Variants in TMEM120B observed in about 807,000 individuals in gnomAD.
The protein encoded by TMEM120B is transmembrane protein 120B.
TMEM120B carries 31 observed loss-of-function variants against 55.5 expected under a neutral mutation model. The observed-to-expected ratio is 0.56, with a 90% CI of 0.42 to 0.75. The LOEUF (loss-of-function observed/expected upper bound fraction) is 0.75. TMEM120B is among the 30% of genes least tolerant of loss of function. TMEM120B has a pLI of 0.00. For missense variants in TMEM120B, 399 were observed against 425.5 expected, an observed-to-expected ratio of 0.94 and a Z score of 0.55; for synonymous variants, 203 against 176.3, an observed-to-expected ratio of 1.15 and a Z score of -1.20.
At chr12:121,771,103 G>A (rs1249967565) in intron 7 of TMEM120B, 131 bp downstream of exon 7, 3 of 1,014,070 alleles carry the variant, frequency 3.0e-6, no homozygotes, top group Non-Finnish European at 3.0e-6. Context: ...GAAAGTATGA[G>A]CCTGCAGCTG....
intron 8 of TMEM120B, among the ~76,000 whole-genome samples, chr12:121,772,814 A>G (rs756824781): frequency 2.0e-5 from 3 of 152,230 alleles, no homozygotes; most frequent in Admixed American, 6.5e-5. Flanking sequence ...TGGAAATTGT[A>G]TATCAGCCCA....
rs1377339938 is a variant in TMEM120B at position 121,761,648 on chromosome 12, G to T, written c.462-1G>T. On this transcript the variant is annotated splice_acceptor_variant, in intron 5 of 11. Transcript: ENST00000449592. LOFTEE classifies it high-confidence loss of function. The stretch of plus-strand genomic sequence containing the variant: ...CTCCCGGGGGCTGTTTCCTTGCACA[G>T]GGTGACTGACGAAGTCTTCAACTTC... 1 of 1,613,580 alleles carries T rather than the reference G, an allele frequency of 6.2e-7. No individual in the cohort carries two copies. The highest frequency in any genetic ancestry group is 2.2e-5 in the East Asian group (1 of 44,870).
chr12:121,752,224 G>GT lies in TMEM120B; in HGVS notation c.461+2dup. Reference sequence around the variant, plus strand: ...CATGTCGATTTGTCCTTCACTACAGGTAGTGGGTGTGGCCGTGTGTGCCTG... The same window carrying GT: ...CATGTCGATTTGTCCTTCACTACAGGTTAGTGGGTGTGGCCGTGTGTGCCTG... On this transcript the variant is annotated splice_donor_variant, in intron 5 of 11. Transcript: ENST00000449592. LOFTEE classifies it high-confidence loss of function. 6.2e-7 allele frequency: 1 copy of GT among 1,613,528 alleles called. No homozygotes were observed. Among genetic ancestry groups the GT allele is most frequent in the Non-Finnish European group, 8.5e-7 (1 of 1,179,684 alleles).
intron 1 of TMEM120B, among the ~76,000 whole-genome samples, chr12:121,730,132 G>A (rs1348828240): frequency 6.6e-6 from 1 of 150,400 alleles, no homozygotes; most frequent in Non-Finnish European, 1.5e-5. Flanking sequence ...GGTAGCAGGC[G>A]CCTGTAATCC....
chr12:121,715,902 T>C (rs572711620), intron 1 of TMEM120B, among the ~76,000 whole-genome samples: 192 of 151,670 alleles, frequency 1.3e-3, no homozygotes, highest in African/African-American at 4.2e-3. Flanking sequence ...TCATGTTAGA[T>C]GTGAGAGCTC....
chr12:121,770,359 C>G (rs1312157115), intron 6 of TMEM120B, among the ~76,000 whole-genome samples: 1 of 152,138 alleles, frequency 6.6e-6, no homozygotes, highest in African/African-American at 2.4e-5. Context: ...CTTGTTTTAC[C>G]TCAGTCCCCT....
intron 1 of TMEM120B, among the ~76,000 whole-genome samples, chr12:121,738,907 C>T (rs1177120410): frequency 6.6e-6 from 1 of 152,170 alleles, no homozygotes; most frequent in Non-Finnish European, 1.5e-5. Flanking sequence ...TTAAGTTCGG[C>T]CGGGCATGGT....
Position 121,775,578 on chromosome 12 carries a change from C to T in TMEM120B, c.907-31C>T, listed in dbSNP as rs996708218. On this transcript the variant is annotated intron_variant, in intron 11 of 11. Coordinates refer to ENST00000449592, the MANE Select transcript of TMEM120B (RefSeq NM_001080825.2). This position sits in a 1 kb window ranked among gnomAD's most constrained non-coding sequence, Gnocchi z 4.3. ...CAGGGGTTCAGCAGGGCAGATGCCC[C>T]AGCCTCGCCCTCCTCTCTGGACTCC... 1.3e-6 allele frequency: 2 copies of T among 1,597,606 alleles called. No individual in the cohort carries two copies. Among genetic ancestry groups the T allele is most frequent in the African/African-American group, 1.3e-5 (1 of 74,736 alleles).
chr12:121,757,150 G>C (rs986621427), intron 5 of TMEM120B, among the ~76,000 whole-genome samples: 1 of 151,064 alleles, frequency 6.6e-6, no homozygotes, highest in Non-Finnish European at 1.5e-5. Context: ...TGGGGGGGGG[G>C]GGTGTCACTT....
chr12:121,754,148 G>A (rs1226358329), intron 5 of TMEM120B, among the ~76,000 whole-genome samples: 1 of 152,248 alleles, frequency 6.6e-6, no homozygotes, highest in Non-Finnish European at 1.5e-5. Flanking sequence ...CCCAAACAAA[G>A]GCTCTTTCAG....
chr12:121,780,571 G>A lies in TMEM120B; in HGVS notation c.*4849G>A. 1 of 514,060 alleles carries A rather than the reference G, an allele frequency of 1.9e-6. No individual in the cohort carries two copies. The highest frequency in any genetic ancestry group is 3.4e-6 in the Non-Finnish European group (1 of 292,352). The allele number at this position is 514,060 out of a possible 1,614,324, so 31.8% of individuals were successfully genotyped here. A position where few individuals can be genotyped will look rare whatever the true frequency, so the allele number is the denominator to read the frequency against. Reference sequence around the variant, plus strand: ...ATTGCAGTGGATGGGACCAGATCCTGGCTCCACTTCTCGCTAGCTGTGTGG... The same window carrying A: ...ATTGCAGTGGATGGGACCAGATCCTAGCTCCACTTCTCGCTAGCTGTGTGG... On this transcript the variant is annotated 3_prime_UTR_variant, in exon 12 of 12. Transcript: ENST00000449592.
rs1278739850 is a variant in TMEM120B, at chr12:121,750,569, CCCACACCCACACT to C, written c.365+138_365+150del. The C allele has an allele frequency of 6.3e-5, 42 of 667,264 alleles. No homozygotes were observed. In the Middle Eastern group the frequency reaches 2.8e-3, roughly 45 times the overall value. The allele number at this position is 667,264 out of a possible 1,614,324, so 41.3% of individuals were successfully genotyped here. A position where few individuals can be genotyped will look rare whatever the true frequency, so the allele number is the denominator to read the frequency against. On this transcript the variant is annotated intron_variant, in intron 4 of 11. Transcript: ENST00000449592. Reference sequence around the variant, plus strand: ...CCACACCAACACCCCACACCTCAAACCCACACCCACACTCCACACCAACACCCCACCCACACCA... The same window carrying C: ...CCACACCAACACCCCACACCTCAAACCCACACCAACACCCCACCCACACCA...
Position 121,774,690 on chromosome 12 carries a change from A to T in TMEM120B, c.805A>T (p.Thr269Ser). The change falls in exon 10 of 12, where the codon ACC (threonine) becomes TCC (serine). Residue 269 changes from threonine to serine, a missense_variant. Around this residue, in one of 3 missense-constraint regions of TMEM120B, gnomAD observed 260 missense variants for 303.9 expected, o/e 0.86. Coordinates refer to ENST00000449592, the MANE Select transcript of TMEM120B (RefSeq NM_001080825.2). ...CCAGTCCTGGATGTGGCGGGGCCTCACCTTTCTCCTGCCCTTCCTCTTCTG... is the reference window on the plus strand; with the variant it reads ...CCAGTCCTGGATGTGGCGGGGCCTCTCCTTTCTCCTGCCCTTCCTCTTCTG... Reference protein sequence around the residue: ...GFQSWMWRGLTFLLPFLFCGH... With the variant: ...GFQSWMWRGLSFLLPFLFCGH... The T allele has an allele frequency of 6.2e-7, 1 of 1,612,836 alleles. No homozygotes were observed. Among genetic ancestry groups the T allele is most frequent in the Non-Finnish European group, 8.5e-7 (1 of 1,179,568 alleles).
intron 1 of TMEM120B, among the ~76,000 whole-genome samples, chr12:121,724,030 CTTTTTT>C (rs56972824): frequency 1.5e-3 from 116 of 75,986 alleles, no homozygotes; most frequent in East Asian, 7.6e-3. Flanking sequence ...TCAAGTGATC[CTTTTTT>C]TTTTTTTTTT....
At chr12:121,764,894 C>T (rs1873798029) in intron 6 of TMEM120B, among the ~76,000 whole-genome samples, 1 of 152,070 alleles carries the variant, frequency 6.6e-6, no homozygotes, top group African/African-American at 2.4e-5. Context: ...AACAGTTTAG[C>T]AGGAGCTGTT....
intron 6 of TMEM120B, among the ~76,000 whole-genome samples, chr12:121,769,921 T>A (rs908238916): frequency 2.6e-5 from 4 of 150,966 alleles, no homozygotes; most frequent in African/African-American, 9.8e-5. Flanking sequence ...ATGAAGGAGG[T>A]GAAGTGGGGC....
At chr12:121,772,123 CTT>C (rs1874082827) in intron 8 of TMEM120B, among the ~76,000 whole-genome samples, 1 of 147,592 alleles carries the variant, frequency 6.8e-6, no homozygotes, top group Admixed American at 6.9e-5. Flanking sequence ...CTCTCTCTCT[CTT>C]TCTCTCTTTC....
intron 5 of TMEM120B, among the ~76,000 whole-genome samples, chr12:121,759,826 A>G (rs540529620): frequency 6.6e-6 from 1 of 151,914 alleles, no homozygotes; most frequent in Admixed American, 6.6e-5. Flanking sequence ...GTGAAACCCC[A>G]TCTCTACTAA....
At chr12:121,761,537 C>A in intron 5 of TMEM120B, 112 bp from the exon 6 acceptor site, 2 of 725,174 alleles carry the variant, frequency 2.8e-6, no homozygotes, top group Non-Finnish European at 2.4e-6. Flanking sequence ...CCAGAGGCAG[C>A]GCGTGCTGTG....
Sources: allele counts gnomAD v4.1 joint callset (sites outside exome capture counted in the v4.1 genomes callset), GRCh38; gene constraint gnomAD v4.1.1; regional missense constraint gnomAD v4.1.1; non-coding constraint Gnocchi (gnomAD v3.1); transcripts MANE v1.5; gene names NCBI Gene and HGNC (gene_info 2026-07-23, HGNC 2026-07-21).